TSHZ2: variants seen among roughly 807,000 people sequenced by gnomAD.
TSHZ2 encodes teashirt zinc finger homeobox 2.
Under a neutral mutation model 74.4 loss-of-function variants are expected in TSHZ2, and 21 were observed. The ratio of observed to expected loss-of-function variants is 0.28; its 90% CI spans 0.20 to 0.41. The LOEUF is 0.41. Ranked by LOEUF, TSHZ2 falls within the 10% of genes least tolerant of loss-of-function variation. The pLI is 1.00. For missense variants in TSHZ2, 1,244 were observed against 1,293.5 expected, an observed-to-expected ratio of 0.96 and a Z score of 0.59; for synonymous variants, 540 against 515.3, an observed-to-expected ratio of 1.05 and a Z score of -0.65.
At chr20:53,320,820 G>A (rs539878669) in intron 2 of TSHZ2, among the ~76,000 whole-genome samples, 35 of 152,292 alleles carry the variant, frequency 2.3e-4, no homozygotes, top group African/African-American at 7.7e-4. Flanking sequence ...GCCTGTGGTC[G>A]GGGGACATGT....
Position 53,106,562 on chromosome 20 carries a change from G to A in TSHZ2, c.40+133229G>A, listed in dbSNP as rs1328979190. ...TGGGACTACAGGCGCCCGCCACCATGCCCAGCTAATTTTTTGTATTTTTAG... is the reference window on the plus strand; with the variant it reads ...TGGGACTACAGGCGCCCGCCACCATACCCAGCTAATTTTTTGTATTTTTAG... On this transcript the variant is annotated intron_variant, in intron 1 of 2. Transcript: ENST00000371497. Among the ~76,000 whole-genome samples the A allele has an allele frequency of 2.7e-5, 4 of 150,638 alleles. No individual in the cohort carries two copies. In the East Asian group the frequency reaches 5.8e-4, roughly 22 times the overall value.
At chr20:53,362,723 T>C (rs1187189480) in intron 2 of TSHZ2, among the ~76,000 whole-genome samples, 1 of 152,226 alleles carries the variant, frequency 6.6e-6, no homozygotes. Flanking sequence ...TGCTTTACCA[T>C]ATGTTCTAGT....
intron 2 of TSHZ2, among the ~76,000 whole-genome samples, chr20:53,361,128 C>T (rs1981035150): frequency 6.6e-6 from 1 of 152,230 alleles, no homozygotes; most frequent in Admixed American, 6.5e-5. Context: ...TCTGTCAACA[C>T]TGAGGCATCA....
intron 2 of TSHZ2, among the ~76,000 whole-genome samples, chr20:53,457,809 G>A (rs1985165726): frequency 6.6e-6 from 1 of 151,958 alleles, no homozygotes; most frequent in Non-Finnish European, 1.5e-5. Context: ...TGCATCTATT[G>A]AGATAATCAT....
intron 1 of TSHZ2, among the ~76,000 whole-genome samples, chr20:53,168,241 G>A (rs551506651): frequency 6.6e-6 from 1 of 152,144 alleles, no homozygotes; most frequent in Non-Finnish European, 1.5e-5. Context: ...ATCGTCGGAC[G>A]TGTAGCCCCT....
At chr20:53,353,141 A>T (rs1481225012) in intron 2 of TSHZ2, among the ~76,000 whole-genome samples, 1 of 152,244 alleles carries the variant, frequency 6.6e-6, no homozygotes, top group African/African-American at 2.4e-5. Flanking sequence ...CCCTTCGTAG[A>T]AAATGATAGT....
rs1229474476 is a variant in TSHZ2, at chr20:53,254,811, A to G, written c.1353A>G (p.Ser451=). 3.1e-6 allele frequency: 5 copies of G among 1,613,902 alleles called. No individual in the cohort carries two copies. Among genetic ancestry groups the G allele is most frequent in the Non-Finnish European group, 1.7e-6 (2 of 1,179,918 alleles). Reference sequence around the variant, plus strand: ...CCAAGCCATCCAGTAACTCAGCATCAGATTGTACAGCCTCTACAACTGAGT... The same window carrying G: ...CCAAGCCATCCAGTAACTCAGCATCGGATTGTACAGCCTCTACAACTGAGT... The part of the protein sequence containing the change: ...LAPKPSSNSA[S]DCTASTTELK... Residue 451 remains serine (S), a synonymous_variant, in exon 2 of 3, where the codon TCA becomes TCG. Transcript: ENST00000371497.
chr20:53,108,872 G>A (rs966691881), intron 1 of TSHZ2, among the ~76,000 whole-genome samples: 16 of 152,022 alleles, frequency 1.1e-4, no homozygotes, highest in Non-Finnish European at 2.1e-4. Context: ...TCCCTGGTTC[G>A]CCAACAATTT....
chr20:53,186,256 T>C (rs1051410809), intron 1 of TSHZ2, among the ~76,000 whole-genome samples: 13 of 152,212 alleles, frequency 8.5e-5, no homozygotes, highest in Non-Finnish European at 5.9e-5. Flanking sequence ...ATTACAATCA[T>C]CAAATGTTTC....
intron 1 of TSHZ2, among the ~76,000 whole-genome samples, chr20:53,001,216 G>GTGTGTGTGTGTGTGTA (rs1555813567): frequency 1.4e-5 from 2 of 142,570 alleles, no homozygotes; most frequent in African/African-American, 2.7e-5. Flanking sequence ...GTGTGTGTGT[G>GTGTGTGTGTGTGTGTA]TGTGTGTGTG....
chr20:53,330,788 G>A (rs1380140971), intron 2 of TSHZ2, among the ~76,000 whole-genome samples: 1 of 152,200 alleles, frequency 6.6e-6, no homozygotes, highest in Non-Finnish European at 1.5e-5. Context: ...CAAAGCAAGC[G>A]ATTAAAGAGA....
At chr20:53,048,050 G>A (rs886653482) in intron 1 of TSHZ2, among the ~76,000 whole-genome samples, 6 of 152,102 alleles carry the variant, frequency 3.9e-5, no homozygotes, top group African/African-American at 1.4e-4. Context: ...TGCCCCCAGC[G>A]CCTTTTGTGG....
At chr20:53,355,188 AG>A (rs1244579753) in intron 2 of TSHZ2, among the ~76,000 whole-genome samples, 1 of 152,232 alleles carries the variant, frequency 6.6e-6, no homozygotes, top group Non-Finnish European at 1.5e-5. Context: ...AAAAAGGAAA[AG>A]AAAAAATAAC....
rs1484078042 is a variant in TSHZ2, at chr20:53,253,897, C to A, written c.439C>A (p.Leu147Met). The change falls in exon 2 of 3, where the codon CTG (leucine) becomes ATG (methionine). Residue 147 changes from leucine to methionine, a missense_variant. By Grantham distance (15) the Leu-to-Met change is conservative. Around this residue, in one of 6 missense-constraint regions of TSHZ2, gnomAD observed 470 missense variants for 456.5 expected, o/e 1.03. Coordinates refer to ENST00000371497, the MANE Select transcript of TSHZ2 (RefSeq NM_173485.6). Reference protein sequence around the residue: ...YWSGLGLGFKLSNSERRNCDT... With the variant: ...YWSGLGLGFKMSNSERRNCDT... ...GTCAGGCCTGGGCCTTGGCTTCAAG[C>A]TGTCCAATAGTGAGAGGAGGAACTG... 2 of 1,614,192 alleles carry A rather than the reference C, an allele frequency of 1.2e-6. No individual in the cohort carries two copies. The highest frequency in any genetic ancestry group is 4.5e-5 in the East Asian group (2 of 44,884).
intron 2 of TSHZ2, among the ~76,000 whole-genome samples, chr20:53,332,587 G>T (rs188254650): frequency 1.8e-4 from 27 of 152,128 alleles, no homozygotes; most frequent in Non-Finnish European, 3.7e-4. Context: ...ATGCAGGCAC[G>T]CATGTGTTTG....
At chr20:53,396,587 C>G (rs536664211) in intron 2 of TSHZ2, among the ~76,000 whole-genome samples, 9 of 152,238 alleles carry the variant, frequency 5.9e-5, no homozygotes, top group African/African-American at 2.2e-4. Flanking sequence ...TGGCTCGTGC[C>G]TGTAATCCCA....
chr20:53,470,894 T>C lies in TSHZ2; in HGVS notation c.*9-16250T>C, dbSNP rs529180816. 2.0e-5 allele frequency among the ~76,000 whole-genome samples: 3 copies of C among 152,306 alleles called. No individual in the cohort carries two copies. In the South Asian group the frequency reaches 6.2e-4, roughly 32 times the overall value. On this transcript the variant is annotated intron_variant, in intron 2 of 2. Coordinates refer to ENST00000371497, the MANE Select transcript of TSHZ2 (RefSeq NM_173485.6). ...CAAACAGCTTTAAGAAGCCCTAAAT[T>C]AGGAGTCATGTGTCCTGACCTATCA...
rs142274686 is a variant in TSHZ2, at chr20:53,227,194, C to T, written c.41-26305C>T. On this transcript the variant is annotated intron_variant, in intron 1 of 2. Transcript: ENST00000371497. ...TAGATGATAATATATGTATGAGATC[C>T]GGAGAAACCCATGCATTCCTAGGAA... Among the ~76,000 whole-genome samples, 511 of 151,456 alleles carry T rather than the reference C, an allele frequency of 3.4e-3. 3 individuals are homozygous for T. The highest frequency in any genetic ancestry group is 0.012 in the African/African-American group (478 of 41,228).
intron 2 of TSHZ2, among the ~76,000 whole-genome samples, chr20:53,278,669 A>T (rs1386144221): frequency 6.6e-6 from 1 of 152,172 alleles, no homozygotes; most frequent in Non-Finnish European, 1.5e-5. Flanking sequence ...TGATCCTTAT[A>T]TTAATCTTTC....
Sources: gnomAD v4.1 joint callset for allele counts (sites outside exome capture counted in the v4.1 genomes callset) on GRCh38, gnomAD v4.1.1 for gene constraint, gnomAD v4.1.1 regional missense constraint, MANE v1.5 for transcripts, NCBI Gene and HGNC (gene_info 2026-07-23, HGNC 2026-07-21) for gene names.